Variants in KCNIP4 observed in about 807,000 individuals in gnomAD.
KCNIP4 encodes potassium voltage-gated channel interacting protein 4.
In KCNIP4, 12 loss-of-function variants were observed where a neutral mutation model predicts 34.0. That is an observed-to-expected ratio of 0.35 (90% CI 0.23 to 0.57). The LOEUF is 0.57. Ranked by LOEUF, KCNIP4 falls within the 20% of genes least tolerant of loss-of-function variation. The pLI is 0.83. For synonymous variants in KCNIP4, 124 were observed against 102.2 expected (o/e 1.21, Z -1.29); for missense variants, 238 against 311.7 (o/e 0.76, Z 1.78).
chr4:20,984,075 GC>G, intron 1 of KCNIP4: 4 of 1,291,318 alleles, frequency 3.1e-6, no homozygotes, highest in Admixed American at 2.8e-5. Context: ...AAAGCCGGCG[GC>G]CCCCCGGGGT....
intron 1 of KCNIP4, among the ~76,000 whole-genome samples, chr4:21,663,851 C>T (rs1308763500): frequency 6.6e-6 from 1 of 152,152 alleles, no homozygotes; most frequent in Non-Finnish European, 1.5e-5. Context: ...GTATGATATC[C>T]AAGGTAAAGA....
intron 1 of KCNIP4, among the ~76,000 whole-genome samples, chr4:21,314,741 A>G (rs905006192): frequency 6.6e-6 from 1 of 152,180 alleles, no homozygotes; most frequent in Non-Finnish European, 1.5e-5. Context: ...TGCCAATGCA[A>G]AACTCTGGCT....
intron 1 of KCNIP4, among the ~76,000 whole-genome samples, chr4:21,113,917 C>T (rs1749470083): frequency 6.6e-6 from 1 of 152,150 alleles, no homozygotes; most frequent in Non-Finnish European, 1.5e-5. Flanking sequence ...TTTCTTTCTC[C>T]ATCAAAAATC....
chr4:20,782,151 G>T (rs1756933497), intron 3 of KCNIP4, among the ~76,000 whole-genome samples: 1 of 152,150 alleles, frequency 6.6e-6, no homozygotes, highest in Non-Finnish European at 1.5e-5. Flanking sequence ...GGTTTCCATG[G>T]TCTTGGGAAG....
intron 1 of KCNIP4, among the ~76,000 whole-genome samples, chr4:21,352,647 C>A (rs1452940119): frequency 6.6e-6 from 1 of 152,258 alleles, no homozygotes; most frequent in Admixed American, 6.5e-5. Flanking sequence ...GCGGAGCCCA[C>A]CACAGCTCAG....
intron 1 of KCNIP4, among the ~76,000 whole-genome samples, chr4:21,246,162 G>C (rs1284530157): frequency 6.6e-6 from 1 of 151,350 alleles, no homozygotes; most frequent in African/African-American, 2.4e-5. Flanking sequence ...AGAGTAGTCT[G>C]TCACCCAGAA....
At chr4:21,419,587 TATGGTGCCTAGTGCCCAGC>T (rs1272671967) in intron 1 of KCNIP4, among the ~76,000 whole-genome samples, 1 of 152,286 alleles carries the variant, frequency 6.6e-6, no homozygotes, top group East Asian at 1.9e-4. Flanking sequence ...CAGTACTTAG[TATGGTGCCTAGTGCCCAGC>T]AGGGTTGAAA....
At chr4:20,828,233 C>G (rs946368240) in intron 3 of KCNIP4, among the ~76,000 whole-genome samples, 3 of 152,132 alleles carry the variant, frequency 2.0e-5, no homozygotes, top group African/African-American at 7.2e-5. Flanking sequence ...TCGAGACTAT[C>G]CTGGCCAACA....
intron 1 of KCNIP4, among the ~76,000 whole-genome samples, chr4:21,699,931 T>C (rs1267343416): frequency 1.3e-5 from 2 of 152,070 alleles, no homozygotes; most frequent in East Asian, 3.9e-4. Flanking sequence ...GAAACAATGG[T>C]GGCATGGCCT....
At chr4:21,114,497 A>G (rs576276172) in intron 1 of KCNIP4, among the ~76,000 whole-genome samples, 20 of 152,190 alleles carry the variant, frequency 1.3e-4, no homozygotes, top group African/African-American at 4.3e-4. Context: ...CTTTTCTTAA[A>G]CCCATTCTAT....
intron 1 of KCNIP4, among the ~76,000 whole-genome samples, chr4:20,933,162 T>C (rs767780471): frequency 2.0e-5 from 3 of 152,024 alleles, no homozygotes; most frequent in Non-Finnish European, 2.9e-5. Context: ...GAAAATCACC[T>C]AAACCTGGAA....
chr4:20,969,784 TA>T (rs1251549884), intron 1 of KCNIP4, among the ~76,000 whole-genome samples: 2 of 112,802 alleles, frequency 1.8e-5, no homozygotes, highest in Non-Finnish European at 3.5e-5. Context: ...ATATAGGTAT[TA>T]ATTTATGAAA....
intron 1 of KCNIP4, among the ~76,000 whole-genome samples, chr4:21,511,963 T>C (rs1734348262): frequency 6.9e-6 from 1 of 144,072 alleles, no homozygotes; most frequent in African/African-American, 2.7e-5. Flanking sequence ...ACAATTTTAA[T>C]AGAGTAAAAG....
intron 1 of KCNIP4, among the ~76,000 whole-genome samples, chr4:21,344,592 T>C (rs1717107100): frequency 6.6e-6 from 1 of 152,118 alleles, no homozygotes; most frequent in South Asian, 2.1e-4. Flanking sequence ...CAGATAGGTA[T>C]GATGCAAGAA....
At chr4:21,186,068 T>C (rs554812695) in intron 1 of KCNIP4, among the ~76,000 whole-genome samples, 3 of 152,354 alleles carry the variant, frequency 2.0e-5, no homozygotes, top group Admixed American at 2.0e-4. Flanking sequence ...TCCAGGTGAA[T>C]AGCTGTCTAT....
At chr4:21,522,295 A>T (rs1353358823) in intron 1 of KCNIP4, among the ~76,000 whole-genome samples, 2 of 152,160 alleles carry the variant, frequency 1.3e-5, no homozygotes, top group African/African-American at 2.4e-5. Context: ...CTAAATGAAT[A>T]ACATTATTGT....
chr4:21,249,228 G>GCATA (rs985899932), intron 1 of KCNIP4, among the ~76,000 whole-genome samples: 42 of 152,096 alleles, frequency 2.8e-4, no homozygotes, highest in African/African-American at 9.9e-4. Context: ...AAACATGCAT[G>GCATA]CATACATACA....
chr4:21,596,828 G>C (rs555175973), intron 1 of KCNIP4, among the ~76,000 whole-genome samples: 1 of 152,116 alleles, frequency 6.6e-6, no homozygotes, highest in Admixed American at 6.6e-5. Context: ...AGCTAAAAGC[G>C]AGGAAAGGAC....
chr4:21,378,397 A>C (rs1379091418), intron 1 of KCNIP4, among the ~76,000 whole-genome samples: 4 of 152,136 alleles, frequency 2.6e-5, no homozygotes, highest in Non-Finnish European at 4.4e-5. Flanking sequence ...TTGCTGCACA[A>C]TATTATCTCA....
Sources: gnomAD v4.1 joint callset for allele counts (sites outside exome capture counted in the v4.1 genomes callset) on GRCh38, gnomAD v4.1.1 for gene constraint, MANE v1.5 for transcripts, NCBI Gene and HGNC (gene_info 2026-07-23, HGNC 2026-07-21) for gene names.